SPATS1: variants seen among roughly 807,000 people sequenced by gnomAD.
The protein encoded by SPATS1 is spermatogenesis associated serine rich 1.
SPATS1 carries 23 observed loss-of-function variants against 33.6 expected under a neutral mutation model. That is an observed-to-expected ratio of 0.68 (90% CI 0.49 to 0.97). SPATS1 has a LOEUF of 0.97. SPATS1 is among the 50% of genes least tolerant of loss of function. The pLI is 0.00. For missense variants in SPATS1, 327 were observed against 361.0 expected (o/e 0.91, Z 0.76); for synonymous variants, 131 against 125.6 (o/e 1.04, Z -0.29).
intron 8 of SPATS1, among the ~76,000 whole-genome samples, chr6:44,376,735 G>A (rs1411832736): frequency 6.6e-6 from 1 of 152,200 alleles, no homozygotes; most frequent in Non-Finnish European, 1.5e-5. Context: ...GGGAGGTGGA[G>A]GTTGCAGTGA....
intron 7 of SPATS1, 128 bp downstream of exon 7, chr6:44,370,241 TG>T: frequency 1.3e-6 from 1 of 767,648 alleles, no homozygotes; most frequent in Non-Finnish European, 2.1e-6. Flanking sequence ...AGCAGGAGGG[TG>T]GGGCAGTTTG....
chr6:44,370,255 AG>A, intron 7 of SPATS1, 142 bp downstream of exon 7: 1 of 688,190 alleles, frequency 1.5e-6, no homozygotes, highest in South Asian at 1.9e-5. Flanking sequence ...GCAGTTTGTA[AG>A]GAAGGTGTTT....
chr6:44,358,665 TTCA>T (rs2153367259), intron 3 of SPATS1, among the ~76,000 whole-genome samples: 1 of 152,290 alleles, frequency 6.6e-6, no homozygotes, highest in South Asian at 2.1e-4. Context: ...TTAGAACATT[TTCA>T]TCACCACAAA....
At chr6:44,364,035 G>T (rs899110942) in intron 5 of SPATS1, among the ~76,000 whole-genome samples, 1 of 151,932 alleles carries the variant, frequency 6.6e-6, no homozygotes, top group African/African-American at 2.4e-5. Context: ...AATGAAACCC[G>T]ATGTACTCAT....
intron 3 of SPATS1, 151 bp from the exon 4 acceptor site, chr6:44,360,295 A>T: frequency 1.0e-6 from 1 of 985,164 alleles, no homozygotes; most frequent in African/African-American, 1.6e-5. Flanking sequence ...GTCCCCTCAA[A>T]TTATGAGTAA....
At chr6:44,359,534 A>G (rs543952321) in intron 3 of SPATS1, among the ~76,000 whole-genome samples, 2 of 152,210 alleles carry the variant, frequency 1.3e-5, no homozygotes, top group African/African-American at 4.8e-5. Flanking sequence ...AATGTTTTCA[A>G]GGCTCACCAT....
At chr6:44,345,950 C>T (rs116736292) in intron 2 of SPATS1, among the ~76,000 whole-genome samples, 1,557 of 152,132 alleles carry the variant, frequency 0.01, 19 homozygotes, top group African/African-American at 0.034. Flanking sequence ...TGTTTGCAAA[C>T]GGATAACAAA....
intron 4 of SPATS1, chr6:44,361,606 A>G (rs1788924887): frequency 1.1e-6 from 1 of 904,570 alleles, no homozygotes; most frequent in Non-Finnish European, 1.3e-6. Context: ...GAGGGCAAAC[A>G]AAAACAAAGA....
In SPATS1 at chr6:44,360,561, T is replaced by C; in HGVS notation, c.403T>C (p.Leu135=). ...KYPEEFSLLK[L]QTKDGHRPEW... ...TCCTGAGGAATTCAGCCTGCTTAAG[T>C]TGCAGACGAGTAAGTCACAGACCCT... Residue 135 remains leucine (L), a synonymous_variant, in exon 4 of 9, where the codon TTG becomes CTG. Coordinates refer to ENST00000674044, the MANE Select transcript of SPATS1 (RefSeq NM_001372081.1). 6.2e-7 allele frequency: 1 copy of C among 1,614,168 alleles called. No homozygotes were observed. Among genetic ancestry groups the C allele is most frequent in the Non-Finnish European group, 8.5e-7 (1 of 1,180,016 alleles).
At chr6:44,366,355 G>A (rs978494578) in intron 5 of SPATS1, among the ~76,000 whole-genome samples, 2 of 151,786 alleles carry the variant, frequency 1.3e-5, no homozygotes, top group South Asian at 2.1e-4. Flanking sequence ...AACTCCTGAT[G>A]TCAGGTGATC....
At chr6:44,348,085 TG>T (rs1788011080) in intron 2 of SPATS1, among the ~76,000 whole-genome samples, 1 of 151,882 alleles carries the variant, frequency 6.6e-6, no homozygotes, top group Non-Finnish European at 1.5e-5. Context: ...CTCAGGTCAC[TG>T]TAACCCCCGC....
At chr6:44,370,705 G>C (rs1789552960) in intron 7 of SPATS1, among the ~76,000 whole-genome samples, 1 of 152,064 alleles carries the variant, frequency 6.6e-6, no homozygotes, top group Admixed American at 6.5e-5. Context: ...ACCCACTCTG[G>C]AGCTCAGTGG....
intron 7 of SPATS1, among the ~76,000 whole-genome samples, chr6:44,372,978 C>G (rs755040455): frequency 6.6e-6 from 1 of 152,194 alleles, no homozygotes; most frequent in Non-Finnish European, 1.5e-5. Flanking sequence ...TTGGTGGGAA[C>G]TAAAATGATT....
chr6:44,372,868 A>T (rs1234374749), intron 7 of SPATS1, among the ~76,000 whole-genome samples: 1 of 152,194 alleles, frequency 6.6e-6, no homozygotes, highest in East Asian at 1.9e-4. Flanking sequence ...TGTCTAAAGC[A>T]GTCTTTAGGG....
At position 44,366,625 on chromosome 6, in the gene SPATS1, C is replaced by A. The variant is rs1041590177; in HGVS notation, c.575-1754C>A. Among the ~76,000 whole-genome samples the A allele has an allele frequency of 1.4e-4, 22 of 152,258 alleles. No individual in the cohort carries two copies. The South Asian group carries it at 1.9e-3, about 13-fold the overall frequency. On this transcript the variant is annotated intron_variant, in intron 5 of 8. Coordinates refer to ENST00000674044, the MANE Select transcript of SPATS1 (RefSeq NM_001372081.1). ...GGAACCACTGTTCTATAGTATATGG[C>A]ATTTACTGCTTTGTAGTGTTACCTT...
chr6:44,365,699 C>T lies in SPATS1; in HGVS notation c.575-2680C>T, dbSNP rs370665025. Among the ~76,000 whole-genome samples, 8 of 152,322 alleles carry T rather than the reference C, an allele frequency of 5.3e-5. No individual in the cohort carries two copies. The East Asian group carries it at 1.3e-3, about 26-fold the overall frequency. Reference sequence around the variant, plus strand: ...AGAACATGGCTCTACCTAAACGCATCGGGGCACTGAAATGTGGGGCAGAGT... The same window carrying T: ...AGAACATGGCTCTACCTAAACGCATTGGGGCACTGAAATGTGGGGCAGAGT... On this transcript the variant is annotated intron_variant, in intron 5 of 8. Coordinates refer to ENST00000674044, the MANE Select transcript of SPATS1 (RefSeq NM_001372081.1).
At position 44,378,028 on chromosome 6, in the gene SPATS1, G is replaced by A. The variant is rs1355411275; in HGVS notation, c.*965G>A. ...TGGAATGTTTCTCTAATGTTAACTT[G>A]GTACATGTCAGAAAAACATGAAGGC... On this transcript the variant is annotated 3_prime_UTR_variant, in exon 9 of 9. Transcript: ENST00000674044. 1 of 152,062 alleles carries A rather than the reference G, an allele frequency of 6.6e-6. No homozygotes were observed. Among genetic ancestry groups the A allele is most frequent in the South Asian group, 2.1e-4 (1 of 4,830 alleles). 9.4% of individuals were successfully genotyped at this position (152,062 alleles called of 1,614,324 possible). A position where few individuals can be genotyped will look rare whatever the true frequency, so the allele number is the denominator to read the frequency against.
chr6:44,359,375 A>T (rs191092326), intron 3 of SPATS1, among the ~76,000 whole-genome samples: 1 of 152,284 alleles, frequency 6.6e-6, no homozygotes, highest in East Asian at 1.9e-4. Flanking sequence ...CAGAAACTCT[A>T]TGACCATAGC....
intron 3 of SPATS1, among the ~76,000 whole-genome samples, chr6:44,354,847 G>C (rs966508016): frequency 1.3e-5 from 2 of 152,040 alleles, no homozygotes; most frequent in African/African-American, 4.8e-5. Flanking sequence ...TTTTGAGACA[G>C]GATCTTGTTC....
Sources: allele counts gnomAD v4.1 joint callset (sites outside exome capture counted in the v4.1 genomes callset), GRCh38; gene constraint gnomAD v4.1.1; transcripts MANE v1.5; gene names NCBI Gene and HGNC (gene_info 2026-07-23, HGNC 2026-07-21).